The following EYS variants were observed in gnomAD, a reference collection of about 807,000 sequenced individuals.
EYS encodes protein eyes shut homolog.
EYS carries 250 observed loss-of-function variants against 282.1 expected under a neutral mutation model. The ratio of observed to expected loss-of-function variants is 0.89; its 90% confidence interval spans 0.80 to 0.98. The LOEUF is 0.98. Among genes scored for constraint, EYS ranks in the 50% least tolerant of loss-of-function variants. EYS has a pLI of 0.00. For synonymous variants in EYS, 1,355 were observed against 1,282.9 expected (o/e 1.06, Z -1.20); for missense variants, 4,016 against 3,709.0 (o/e 1.08, Z -2.15).
intron 29 of EYS, among the ~76,000 whole-genome samples, chr6:64,329,631 T>G (rs647759): frequency 5.3e-5 from 8 of 152,026 alleles, no homozygotes; most frequent in Admixed American, 1.3e-4. Flanking sequence ...TTACCCAGTG[T>G]GAATCTGTCA....
At chr6:65,521,252 TAAG>T (rs1330600124) in intron 2 of EYS, among the ~76,000 whole-genome samples, 14 of 152,228 alleles carry the variant, frequency 9.2e-5, no homozygotes, top group Admixed American at 6.6e-5. Context: ...CTGCAGTACT[TAAG>T]TACAGAGGCT....
intron 22 of EYS, among the ~76,000 whole-genome samples, chr6:64,800,928 G>A (rs1247994971): frequency 6.6e-6 from 1 of 151,874 alleles, no homozygotes; most frequent in Admixed American, 6.6e-5. Flanking sequence ...TGCTATAATA[G>A]AAGCACACAT....
chr6:64,467,130 C>A (rs1775944369), intron 26 of EYS, among the ~76,000 whole-genome samples: 1 of 152,154 alleles, frequency 6.6e-6, no homozygotes. Context: ...AAAATGCAAA[C>A]TTCTAATAAC....
At chr6:65,536,044 G>A (rs1049441355) in intron 2 of EYS, among the ~76,000 whole-genome samples, 1 of 152,088 alleles carries the variant, frequency 6.6e-6, no homozygotes, top group African/African-American at 2.4e-5. Context: ...AAATTTAAAT[G>A]TGGTGACGTG....
At position 64,472,372 on chromosome 6, in the gene EYS, C is replaced by A. The variant is rs1185346050; in HGVS notation, c.5645-33020G>T. ...TTACAGATTGATTTATTTCAGAAGT[C>A]AACATGGGAGAAGTGTGGTGATAAG... is the stretch of plus-strand genomic sequence containing the variant. On this transcript the variant is annotated intron_variant, in intron 26 of 42. Transcript: ENST00000503581. Among the ~76,000 whole-genome samples the A allele has an allele frequency of 3.3e-5, 5 of 152,078 alleles. No homozygotes were observed. In the East Asian group the frequency reaches 9.6e-4, roughly 29 times the overall value.
At chr6:64,235,441 A>G (rs1766568317) in intron 30 of EYS, among the ~76,000 whole-genome samples, 1 of 152,128 alleles carries the variant, frequency 6.6e-6, no homozygotes, top group African/African-American at 2.4e-5. Flanking sequence ...ATGGCTGCAT[A>G]GTATGCCATG....
rs564202864 is a variant in EYS at position 64,670,072 on chromosome 6, T to C, written c.3444-43827A>G. 7.9e-5 allele frequency among the ~76,000 whole-genome samples: 12 copies of C among 152,250 alleles called. No homozygotes were observed. In the South Asian group the frequency reaches 2.5e-3, roughly 32 times the overall value. ...ATCCGGGAGCCACCCTTTTGAAATA[T>C]AATCACCATAGAGATAATGCCCTGA... is the stretch of plus-strand genomic sequence containing the variant. On this transcript the variant is annotated intron_variant, in intron 22 of 42. Coordinates refer to ENST00000503581, the MANE Select transcript of EYS (RefSeq NM_001142800.2).
At chr6:64,406,584 A>G (rs893050982) in intron 28 of EYS, among the ~76,000 whole-genome samples, 2 of 152,240 alleles carry the variant, frequency 1.3e-5, no homozygotes, top group East Asian at 3.9e-4. Context: ...GCTAATATCC[A>G]GAATCTACAA....
intron 34 of EYS, among the ~76,000 whole-genome samples, chr6:63,985,009 A>G (rs1767289169): frequency 6.6e-6 from 1 of 151,748 alleles, no homozygotes; most frequent in African/African-American, 2.4e-5. Context: ...AAATTCATAT[A>G]TTGAAGTTCT....
chr6:65,584,517 ATT>A (rs1288967043), intron 2 of EYS, among the ~76,000 whole-genome samples: 5 of 152,038 alleles, frequency 3.3e-5, no homozygotes, highest in Non-Finnish European at 7.4e-5. Context: ...CTTTTTACCA[ATT>A]AGGTTTTTTT....
chr6:65,688,850 C>T (rs1253559848), intron 1 of EYS, among the ~76,000 whole-genome samples: 3 of 151,490 alleles, frequency 2.0e-5, no homozygotes, highest in South Asian at 2.1e-4. Flanking sequence ...GTTAGAATGG[C>T]GATCATTAAA....
intron 35 of EYS, among the ~76,000 whole-genome samples, chr6:63,911,615 T>C (rs1764251944): frequency 6.6e-6 from 1 of 152,258 alleles, no homozygotes; most frequent in Non-Finnish European, 1.5e-5. Context: ...CTTTGGACAG[T>C]ATGACCTGGG....
chr6:64,237,370 C>T (rs1448265259), intron 30 of EYS, among the ~76,000 whole-genome samples: 1 of 152,104 alleles, frequency 6.6e-6, no homozygotes, highest in Non-Finnish European at 1.5e-5. Context: ...CTTTCTAAGC[C>T]CCCTATTTCT....
intron 12 of EYS, among the ~76,000 whole-genome samples, chr6:65,170,736 T>C (rs1765086175): frequency 6.6e-6 from 1 of 151,458 alleles, no homozygotes; most frequent in African/African-American, 2.4e-5. Flanking sequence ...TACTATGGCA[T>C]TAAGAATTGA....
At chr6:65,104,384 C>T (rs941127875) in intron 12 of EYS, among the ~76,000 whole-genome samples, 5 of 151,346 alleles carry the variant, frequency 3.3e-5, no homozygotes, top group Admixed American at 6.6e-5. Flanking sequence ...CTTTCACATA[C>T]CATTTCTAAA....
intron 40 of EYS, among the ~76,000 whole-genome samples, chr6:63,770,832 G>A (rs550807436): frequency 4.6e-5 from 7 of 152,206 alleles, no homozygotes; most frequent in South Asian, 2.1e-4. Flanking sequence ...GAACCTCATC[G>A]TACACTGGAA....
chr6:64,127,101 C>T (rs951890388), intron 31 of EYS, among the ~76,000 whole-genome samples: 2 of 152,158 alleles, frequency 1.3e-5, no homozygotes, highest in Non-Finnish European at 2.9e-5. Flanking sequence ...CTGTCTTTCA[C>T]TAGGAACATA....
At chr6:64,676,006 A>G (rs1769653173) in intron 22 of EYS, among the ~76,000 whole-genome samples, 1 of 149,916 alleles carries the variant, frequency 6.7e-6, no homozygotes, top group South Asian at 2.1e-4. Context: ...GATTCTATAT[A>G]TCTAGATATA....
intron 12 of EYS, among the ~76,000 whole-genome samples, chr6:65,189,856 T>C (rs1163217669): frequency 6.6e-6 from 1 of 151,670 alleles, no homozygotes; most frequent in Non-Finnish European, 1.5e-5. Flanking sequence ...TACCATTGAA[T>C]AAAACAAAAC....
Sources: allele counts gnomAD v4.1 joint callset (sites outside exome capture counted in the v4.1 genomes callset), GRCh38; gene constraint gnomAD v4.1.1; transcripts MANE v1.5; gene names NCBI Gene and HGNC (gene_info 2026-07-23, HGNC 2026-07-21).